TANC2: variants seen among roughly 807,000 people sequenced by gnomAD.
TANC2 encodes the protein tetratricopeptide repeat, ankyrin repeat and coiled-coil containing 2, also known as protein TANC2.
A neutral mutation model predicts 210.5 loss-of-function variants in TANC2; 26 were observed. That is an observed-to-expected ratio of 0.12 (90% CI 0.09 to 0.17). The LOEUF (loss-of-function observed/expected upper bound fraction) is 0.17, where lower values mean the gene tolerates loss of function less well. TANC2 is among the 10% of genes least tolerant of loss of function. TANC2 has a pLI of 1.00. For synonymous variants in TANC2, 931 were observed against 967.1 expected (o/e 0.96, Z 0.69); for missense variants, 2,129 against 2,608.9 (o/e 0.82, Z 4.01).
chr17:63,108,978 GTTTTAAAATAACT>G (rs1040380994), intron 4 of TANC2, among the ~76,000 whole-genome samples: 3 of 151,046 alleles, frequency 2.0e-5, no homozygotes, highest in Non-Finnish European at 4.4e-5. Context: ...AAATTTTAAA[GTTTTAAAATAACT>G]TTTTAAAATA....
exon 5 of TANC2, chr17:63,151,313 A>T (rs1039935159): frequency 2.0e-6 from 2 of 985,730 alleles, no homozygotes; most frequent in Non-Finnish European, 2.4e-6. Context: ...CACGAATTCC[A>T]GAATCCGAGC....
chr17:63,094,733 A>T (rs2037324758), intron 3 of TANC2, among the ~76,000 whole-genome samples: 1 of 152,106 alleles, frequency 6.6e-6, no homozygotes, highest in Non-Finnish European at 1.5e-5. Context: ...CACTCCTAAC[A>T]TTTCTTTGGT....
intron 15 of TANC2, 56 bp from the exon 16 acceptor site, chr17:63,388,576 CACT>C: frequency 6.5e-7 from 1 of 1,543,488 alleles, no homozygotes; most frequent in Non-Finnish European, 8.8e-7. Flanking sequence ...ACTAATTCAC[CACT>C]GATGCTACTT....
intron 15 of TANC2, chr17:63,381,282 A>G (rs2047600369): frequency 6.6e-6 from 1 of 152,210 alleles, no homozygotes; most frequent in Non-Finnish European, 1.5e-5. Context: ...TGCAGACAGC[A>G]TGGTTGCCTG....
At chr17:63,359,877 G>C (rs1488839634) in intron 14 of TANC2, among the ~76,000 whole-genome samples, 3 of 152,222 alleles carry the variant, frequency 2.0e-5, no homozygotes, top group African/African-American at 4.8e-5. Context: ...CCATGGGATA[G>C]TTGAGTACTT....
chr17:63,424,198 C>G (rs937229957), exon 28 of TANC2: 1 of 152,242 alleles, frequency 6.6e-6, no homozygotes, highest in Admixed American at 6.5e-5. Context: ...TACAAATATG[C>G]CGCTGATGCC....
At chr17:63,036,788 C>T (rs2144203122) in intron 2 of TANC2, among the ~76,000 whole-genome samples, 1 of 150,762 alleles carries the variant, frequency 6.6e-6, no homozygotes, top group Admixed American at 6.6e-5. Context: ...TTTTCATCAG[C>T]ATTTGGTAGT....
chr17:63,170,453 A>G (rs2040367209), intron 5 of TANC2, among the ~76,000 whole-genome samples: 1 of 150,592 alleles, frequency 6.6e-6, no homozygotes, highest in South Asian at 2.1e-4. Flanking sequence ...AAAAAAAAAG[A>G]AAGAAAATTA....
intron 1 of TANC2, chr17:63,004,804 C>T: frequency 2.9e-6 from 1 of 346,714 alleles, no homozygotes; most frequent in Non-Finnish European, 5.6e-6. Context: ...GCTTTGGGTA[C>T]CTTCTTTCCT....
chr17:63,355,491 C>A, intron 14 of TANC2, 101 bp downstream of exon 14: 1 of 1,266,500 alleles, frequency 7.9e-7, no homozygotes, highest in Non-Finnish European at 1.1e-6. Context: ...GAACATTTCA[C>A]ATAGAAGAGA....
At chr17:63,114,257 T>TA (rs1266143132) in intron 4 of TANC2, among the ~76,000 whole-genome samples, 1 of 152,194 alleles carries the variant, frequency 6.6e-6, no homozygotes, top group African/African-American at 2.4e-5. Context: ...AAACTGAGTA[T>TA]AAAGAAAATT....
chr17:63,410,337 T>C (rs1470589848), intron 21 of TANC2, among the ~76,000 whole-genome samples: 12 of 118,410 alleles, frequency 1.0e-4, no homozygotes, highest in South Asian at 6.6e-4. Flanking sequence ...ATCTCTCCAA[T>C]CCCCCCCCCC....
chr17:63,193,024 A>C (rs1427208171), intron 5 of TANC2, among the ~76,000 whole-genome samples: 1 of 152,206 alleles, frequency 6.6e-6, no homozygotes, highest in Admixed American at 6.5e-5. Flanking sequence ...AATTTGCAAA[A>C]GATTAGTTAG....
At chr17:63,057,062 A>G (rs781599190) in intron 2 of TANC2, among the ~76,000 whole-genome samples, 5 of 152,006 alleles carry the variant, frequency 3.3e-5, no homozygotes, top group Non-Finnish European at 5.9e-5. Flanking sequence ...TCCTGGTCTG[A>G]AGTGATCCTC....
At chr17:63,408,484 C>T (rs1008669300) in intron 21 of TANC2, among the ~76,000 whole-genome samples, 1 of 152,216 alleles carries the variant, frequency 6.6e-6, no homozygotes, top group Non-Finnish European at 1.5e-5. Flanking sequence ...CCAAAACTTT[C>T]TTATCCTACT....
At chr17:63,378,355 T>G (rs1297304775) in intron 14 of TANC2, among the ~76,000 whole-genome samples, 4 of 151,904 alleles carry the variant, frequency 2.6e-5, no homozygotes, top group Non-Finnish European at 5.9e-5. Flanking sequence ...CACACACACA[T>G]TAACACTTAA....
intron 4 of TANC2, among the ~76,000 whole-genome samples, chr17:63,114,547 C>T (rs1222085369): frequency 1.3e-5 from 2 of 152,146 alleles, no homozygotes; most frequent in Non-Finnish European, 2.9e-5. Context: ...AAAGACACAA[C>T]CCCGCGTAGA....
At chr17:63,220,635 C>T (rs1329624847) in intron 7 of TANC2, among the ~76,000 whole-genome samples, 14 of 146,976 alleles carry the variant, frequency 9.5e-5, no homozygotes, top group Admixed American at 6.2e-4. Context: ...ACCCGTGAGG[C>T]GGAGGTTGCA....
At chr17:63,074,094 G>A (rs896231907) in intron 3 of TANC2, 80 bp downstream of exon 3, 27 of 1,098,830 alleles carry the variant, frequency 2.5e-5, no homozygotes, top group African/African-American at 3.2e-5. Flanking sequence ...TTGGAGACTA[G>A]GATATTGCCA....
Sources: allele counts gnomAD v4.1 joint callset (sites outside exome capture counted in the v4.1 genomes callset), GRCh38; gene constraint gnomAD v4.1.1; transcripts MANE v1.5; gene names NCBI Gene and HGNC (gene_info 2026-07-23, HGNC 2026-07-21).